The following BTBD9 variants were observed in gnomAD, a reference collection of about 807,000 sequenced individuals.
The protein encoded by BTBD9 is BTB domain containing 9.
A neutral mutation model predicts 64.3 loss-of-function variants in BTBD9; 49 were observed. That is an observed-to-expected ratio of 0.76 (90% CI 0.61 to 0.97). The LOEUF (loss-of-function observed/expected upper bound fraction) is 0.97, where lower values mean the gene tolerates loss of function less well. Ranked by LOEUF, BTBD9 falls within the 50% of genes least tolerant of loss-of-function variation. The pLI is 0.00. For missense variants in BTBD9, 598 were observed against 762.1 expected, an observed-to-expected ratio of 0.78 and a Z score of 2.53; for synonymous variants, 260 against 274.7, an observed-to-expected ratio of 0.95 and a Z score of 0.53.
chr6:38,438,236 GAGGGAGGGAGGGAGGA>G (rs1768839707), intron 6 of BTBD9, among the ~76,000 whole-genome samples: 1 of 41,834 alleles, frequency 2.4e-5, no homozygotes, highest in African/African-American at 1.6e-4. Context: ...GGGAGGGAGG[GAGGGAGGGAGGGAGGA>G]AGGAAGGAAG....
At chr6:38,613,696 C>A (rs923713715) in intron 1 of BTBD9, among the ~76,000 whole-genome samples, 2 of 151,950 alleles carry the variant, frequency 1.3e-5, no homozygotes, top group African/African-American at 2.4e-5. Flanking sequence ...GTATTTCCTG[C>A]ACATTTTGTT....
chr6:38,393,040 A>G (rs1042238339), intron 6 of BTBD9, among the ~76,000 whole-genome samples: 1 of 152,032 alleles, frequency 6.6e-6, no homozygotes, highest in Admixed American at 6.6e-5. Context: ...ATGCACAGCT[A>G]ATTTTTGTAT....
chr6:38,492,493 A>C (rs1170950775), intron 6 of BTBD9, among the ~76,000 whole-genome samples: 2 of 152,236 alleles, frequency 1.3e-5, no homozygotes, highest in Non-Finnish European at 2.9e-5. Flanking sequence ...ATGAATTTAA[A>C]ATAGAAGAAT....
At chr6:38,604,107 T>G (rs1015123966) in intron 1 of BTBD9, among the ~76,000 whole-genome samples, 1 of 152,196 alleles carries the variant, frequency 6.6e-6, no homozygotes. Context: ...TCTGATATTT[T>G]GCAAACCCAA....
chr6:38,466,283 CTTTTTT>C (rs67769669), intron 6 of BTBD9, among the ~76,000 whole-genome samples: 1 of 44,068 alleles, frequency 2.3e-5, no homozygotes, highest in African/African-American at 9.5e-5. Flanking sequence ...CTTCCTTTTC[CTTTTTT>C]TTTTTTTTTT....
intron 7 of BTBD9, among the ~76,000 whole-genome samples, chr6:38,308,769 CTTAT>C (rs533362778): frequency 2.0e-5 from 3 of 151,716 alleles, no homozygotes; most frequent in Non-Finnish European, 2.9e-5. Context: ...CCAAGCCTGG[CTTAT>C]TTATTTATTT....
chr6:38,570,522 T>C (rs1775716032), intron 6 of BTBD9, among the ~76,000 whole-genome samples: 1 of 152,224 alleles, frequency 6.6e-6, no homozygotes, highest in South Asian at 2.1e-4. Context: ...GTTCCCTTCC[T>C]ACCACTTCTG....
intron 6 of BTBD9, among the ~76,000 whole-genome samples, chr6:38,386,608 G>C (rs1405961681): frequency 1.3e-5 from 2 of 148,652 alleles, no homozygotes; most frequent in Non-Finnish European, 3.0e-5. Context: ...ATTTATATTT[G>C]GGATACATTT....
Position 38,184,340 on chromosome 6 carries a change from C to T in BTBD9, c.1641+8179G>A, listed in dbSNP as rs576900849. Among the ~76,000 whole-genome samples, 1 of 152,342 alleles carries T rather than the reference C, an allele frequency of 6.6e-6. No homozygotes were observed. The highest frequency in any genetic ancestry group is 2.1e-4 in the South Asian group (1 of 4,826). On this transcript the variant is annotated intron_variant, in intron 10 of 10. Transcript: ENST00000481247. The surrounding 1 kb of genome is among the most constrained non-coding windows in gnomAD (Gnocchi z 4.4). ...AGTACCTCGCATGCACCATACAGGG[C>T]CTCCGTGCTGCCATCTGAAACCTAA...
chr6:38,381,200 G>A (rs1258887765), intron 6 of BTBD9, among the ~76,000 whole-genome samples: 1 of 151,814 alleles, frequency 6.6e-6, no homozygotes, highest in Admixed American at 6.6e-5. Flanking sequence ...CCAAACTGAA[G>A]AAAAGTAAAA....
Position 38,176,232 on chromosome 6 carries a change from C to T in BTBD9, c.1642-1050G>A, listed in dbSNP as rs118190474. On this transcript the variant is annotated intron_variant, in intron 10 of 10. Transcript: ENST00000481247. Reference sequence around the variant, plus strand: ...GCACATACATACACACGGCCTTCTACCGTAGAATCAAGTTCACAGAGACAA... The same window carrying T: ...GCACATACATACACACGGCCTTCTATCGTAGAATCAAGTTCACAGAGACAA... Among the ~76,000 whole-genome samples the T allele has an allele frequency of 4.5e-3, 680 of 152,326 alleles. 38 individuals carry two copies. In the East Asian group the frequency reaches 0.11, roughly 25 times the overall value.
rs575688328 is a variant in BTBD9 at position 38,222,529 on chromosome 6, G to A, written c.1563-29932C>T. On this transcript the variant is annotated intron_variant, in intron 9 of 10. Coordinates refer to ENST00000481247, the MANE Select transcript of BTBD9 (RefSeq NM_001099272.2). Reference sequence around the variant, plus strand: ...CCGCCTTGGCCTCCCAAAGTGCTAGGATTACAGGCATGAACCACTGCGCCA... The same window carrying A: ...CCGCCTTGGCCTCCCAAAGTGCTAGAATTACAGGCATGAACCACTGCGCCA... Among the ~76,000 whole-genome samples the A allele has an allele frequency of 4.6e-5, 7 of 152,168 alleles. No homozygotes were observed. In the South Asian group the frequency reaches 1.4e-3, roughly 32 times the overall value.
At chr6:38,451,993 T>C (rs1769577187) in intron 6 of BTBD9, among the ~76,000 whole-genome samples, 1 of 152,120 alleles carries the variant, frequency 6.6e-6, no homozygotes, top group African/African-American at 2.4e-5. Flanking sequence ...GCCCTTCCAA[T>C]GTAGAAGAGC....
In BTBD9 at chr6:38,308,792, T is replaced by A. The variant is rs117129176; in HGVS notation, c.1265-20331A>T. ...GGCTTATTTATTTATTTATTTATTT[T>A]TTGTATTTTTTGTAGAGATGGGATT... On this transcript the variant is annotated intron_variant, in intron 7 of 10. Coordinates refer to ENST00000481247, the MANE Select transcript of BTBD9 (RefSeq NM_001099272.2). 1.1e-3 allele frequency among the ~76,000 whole-genome samples: 162 copies of A among 151,788 alleles called. 2 individuals are homozygous for A. The East Asian group carries it at 0.012, about 11-fold the overall frequency.
chr6:38,595,911 TATG>T, intron 2 of BTBD9: 1 of 985,448 alleles, frequency 1.0e-6, no homozygotes. Context: ...CCCAATCCTG[TATG>T]ATCCATGGTA....
chr6:38,446,223 G>C (rs1769271978), intron 6 of BTBD9, among the ~76,000 whole-genome samples: 2 of 152,086 alleles, frequency 1.3e-5, no homozygotes, highest in Non-Finnish European at 2.9e-5. Flanking sequence ...ACCATCACAA[G>C]AGATTGACCA....
intron 9 of BTBD9, among the ~76,000 whole-genome samples, chr6:38,251,153 AAC>A (rs1274695530): frequency 6.6e-6 from 1 of 151,470 alleles, no homozygotes; most frequent in Non-Finnish European, 1.5e-5. Flanking sequence ...GATAAATACT[AAC>A]AGAACTAAAA....
chr6:38,330,321 G>C (rs531365216), intron 7 of BTBD9, among the ~76,000 whole-genome samples: 2 of 152,208 alleles, frequency 1.3e-5, no homozygotes, highest in East Asian at 3.9e-4. Flanking sequence ...CCAAAGTGCT[G>C]TGATTACAGG....
intron 6 of BTBD9, among the ~76,000 whole-genome samples, chr6:38,377,479 A>C (rs1184749137): frequency 1.3e-5 from 2 of 152,166 alleles, no homozygotes; most frequent in African/African-American, 2.4e-5. Flanking sequence ...CTATTACCCA[A>C]ATAAAAGGAA....
Sources: gnomAD v4.1 joint callset for allele counts (sites outside exome capture counted in the v4.1 genomes callset) on GRCh38, gnomAD v4.1.1 for gene constraint, Gnocchi (gnomAD v3.1) non-coding constraint, MANE v1.5 for transcripts, NCBI Gene and HGNC (gene_info 2026-07-23, HGNC 2026-07-21) for gene names.